The following LGR6 variants were observed in gnomAD, a reference collection of about 807,000 sequenced individuals.
LGR6 encodes the protein leucine rich repeat containing G protein-coupled receptor 6.
In LGR6, 45 loss-of-function variants were observed where a neutral mutation model predicts 69.4. The observed-to-expected ratio is 0.65, with a 90% CI of 0.51 to 0.83. LGR6 has a LOEUF of 0.83. Among genes scored for constraint, LGR6 ranks in the 40% least tolerant of loss-of-function variants. The pLI, the probability that LGR6 is intolerant of heterozygous loss-of-function variation, is 0.00. For synonymous variants in LGR6, 538 were observed against 555.0 expected, an observed-to-expected ratio of 0.97 and a Z score of 0.43; for missense variants, 1,108 against 1,246.7, an observed-to-expected ratio of 0.89 and a Z score of 1.68.
At chr1:202,229,473 T>C (rs1022988235) in intron 3 of LGR6, among the ~76,000 whole-genome samples, 1 of 152,198 alleles carries the variant, frequency 6.6e-6, no homozygotes, top group South Asian at 2.1e-4. Flanking sequence ...AGTGGCAGGC[T>C]CAGACCTGCA....
At chr1:202,236,036 G>A in intron 4 of LGR6, 43 bp downstream of exon 4, 1 of 1,561,184 alleles carries the variant, frequency 6.4e-7, no homozygotes. Context: ...CAGCTTCCTG[G>A]GGCCTGAGTC....
At position 202,228,643 on chromosome 1, in the gene LGR6, A is replaced by G. The variant is rs1187014329; in HGVS notation, c.356+636A>G. 3.9e-5 allele frequency among the ~76,000 whole-genome samples: 6 copies of G among 152,082 alleles called. No individual in the cohort carries two copies. In the South Asian group the frequency reaches 1.0e-3, roughly 26 times the overall value. Reference sequence around the variant, plus strand: ...TCAGAGAAAGGAAGGCTGAGACACAATCTCCTCAACTCATGACTCACCTTG... The same window carrying G: ...TCAGAGAAAGGAAGGCTGAGACACAGTCTCCTCAACTCATGACTCACCTTG... On this transcript the variant is annotated intron_variant, in intron 3 of 17. Coordinates refer to ENST00000367278, the MANE Select transcript of LGR6 (RefSeq NM_001017403.2).
chr1:202,316,319 T>C (rs1406707953), intron 17 of LGR6, among the ~76,000 whole-genome samples: 1 of 152,080 alleles, frequency 6.6e-6, no homozygotes, highest in East Asian at 1.9e-4. Flanking sequence ...TGCAAATAGA[T>C]CACAGGGTGA....
rs776367294 is a variant in LGR6, at chr1:202,214,122, G to A, written c.213-11301G>A. On this transcript the variant is annotated intron_variant, in intron 1 of 17. Coordinates refer to ENST00000367278, the MANE Select transcript of LGR6 (RefSeq NM_001017403.2). ...CGCGGAGGGTGGCGGGCACTGGACC[G>A]CAGAACTGGCACTCGAGGTCCCAGG... The A allele has an allele frequency of 4.8e-6, 7 of 1,460,876 alleles. No individual in the cohort carries two copies. The African/African-American group carries it at 7.5e-5, about 16-fold the overall frequency. 90.5% of individuals were successfully genotyped at this position (1,460,876 alleles called of 1,614,324 possible).
rs781742946 is a variant in LGR6, at chr1:202,319,331, A to G, written c.*124A>G. On this transcript the variant is annotated 3_prime_UTR_variant, in exon 18 of 18. Coordinates refer to ENST00000367278, the MANE Select transcript of LGR6 (RefSeq NM_001017403.2). ...AGTGTGATCTATAGCAGGATGGCCC[A>G]GTCCCTGGCTCCACTGATCACCTCT... 226 of 1,122,666 alleles carry G rather than the reference A, an allele frequency of 2.0e-4. No homozygotes were observed. Among genetic ancestry groups the G allele is most frequent in the Non-Finnish European group, 2.7e-4 (216 of 812,268 alleles). The allele number at this position is 1,122,666 out of a possible 1,614,324, so 69.5% of individuals were successfully genotyped here.
chr1:202,319,054 T>A lies in LGR6; in HGVS notation c.2751T>A (p.Cys917Ter). 6.2e-7 allele frequency: 1 copy of A among 1,614,136 alleles called. No homozygotes were observed. Among genetic ancestry groups the A allele is most frequent in the Non-Finnish European group, 8.5e-7 (1 of 1,180,006 alleles). The part of the protein sequence containing the change: ...PGAPRLEGSH[C>*]VEPEGNHFGN... ...CCCCCAGGCTGGAGGGCAGCCATTGTGTAGAGCCAGAGGGGAACCACTTTG... is the reference window on the plus strand; with the variant it reads ...CCCCCAGGCTGGAGGGCAGCCATTGAGTAGAGCCAGAGGGGAACCACTTTG... Residue 917 changes from cysteine to a stop codon, truncating the protein, a stop_gained, in exon 18 of 18, where the codon TGT becomes TGA. Coordinates refer to ENST00000367278, the MANE Select transcript of LGR6 (RefSeq NM_001017403.2). LOFTEE classifies it low-confidence loss of function (END_TRUNC).
intron 4 of LGR6, among the ~76,000 whole-genome samples, chr1:202,259,239 T>G (rs12118481): frequency 0.11 from 16,702 of 152,214 alleles, 1,045 homozygotes; most frequent in Middle Eastern, 0.2. Flanking sequence ...CTGTGCTCTC[T>G]TTGATCACTT....
intron 9 of LGR6, among the ~76,000 whole-genome samples, 188 bp from the exon 10 acceptor site, chr1:202,303,091 G>A (rs1334091963): frequency 6.6e-6 from 1 of 152,162 alleles, no homozygotes. Context: ...CAAATGGCTG[G>A]TTGGACCCTG....
intron 12 of LGR6, 45 bp from the exon 13 acceptor site, chr1:202,306,823 A>G (rs994362265): frequency 6.4e-7 from 1 of 1,570,820 alleles, no homozygotes; most frequent in Non-Finnish European, 8.8e-7. Flanking sequence ...GAGCGGAGCC[A>G]GGGTCTGAGC....
At chr1:202,309,230 G>T in intron 15 of LGR6, 54 bp downstream of exon 15, 3 of 1,600,652 alleles carry the variant, frequency 1.9e-6, no homozygotes, top group Non-Finnish European at 2.6e-6. Flanking sequence ...GACCCTGGAG[G>T]GACAGAGAGA....
intron 6 of LGR6, among the ~76,000 whole-genome samples, chr1:202,281,898 G>A (rs2148185843): frequency 6.6e-6 from 1 of 152,306 alleles, no homozygotes; most frequent in South Asian, 2.1e-4. Flanking sequence ...GATCTGGGAA[G>A]CAATGTACTG....
At chr1:202,273,499 C>G (rs1277948217) in intron 4 of LGR6, among the ~76,000 whole-genome samples, 1 of 151,554 alleles carries the variant, frequency 6.6e-6, no homozygotes, top group Admixed American at 6.6e-5. Flanking sequence ...CTCTTGTCGC[C>G]CAGGCTGGAG....
intron 1 of LGR6, among the ~76,000 whole-genome samples, chr1:202,203,407 C>T (rs947595738): frequency 1.3e-5 from 2 of 152,308 alleles, no homozygotes; most frequent in African/African-American, 4.8e-5. Flanking sequence ...ATGTAAGCCC[C>T]GGTTGCCATC....
intron 4 of LGR6, among the ~76,000 whole-genome samples, chr1:202,240,896 A>G (rs1245902879): frequency 6.6e-6 from 1 of 152,200 alleles, no homozygotes; most frequent in African/African-American, 2.4e-5. Context: ...AGGCCAGGCT[A>G]AAGCTCCCCT....
At chr1:202,244,794 T>C (rs534697947) in intron 4 of LGR6, among the ~76,000 whole-genome samples, 1 of 152,206 alleles carries the variant, frequency 6.6e-6, no homozygotes, top group African/African-American at 2.4e-5. Context: ...GGAGGGAAAG[T>C]GGGCCTGGAC....
rs1658530645 is a variant in LGR6, at chr1:202,193,938, C to CG, written c.-51dup. 8.6e-7 allele frequency: 1 copy of CG among 1,169,190 alleles called. No individual in the cohort carries two copies. Among genetic ancestry groups the CG allele is most frequent in the Non-Finnish European group, 1.1e-6 (1 of 917,584 alleles). 72.4% of individuals were successfully genotyped at this position (1,169,190 alleles called of 1,614,324 possible). A position where few individuals can be genotyped will look rare whatever the true frequency, so the allele number is the denominator to read the frequency against. On this transcript the variant is annotated 5_prime_UTR_variant, in exon 1 of 18. Coordinates refer to ENST00000367278, the MANE Select transcript of LGR6 (RefSeq NM_001017403.2). ...CGGGAGGAAGCAGCTGCGGCCATCG[C>CG]GCCGTGCGTCCGCGCCCGGCCGCCA...
At chr1:202,197,373 T>C in intron 1 of LGR6, 1 of 532,362 alleles carries the variant, frequency 1.9e-6, no homozygotes, top group Non-Finnish European at 3.9e-6. Flanking sequence ...TGATCAAGGT[T>C]GGGAAGACGG....
chr1:202,247,770 C>T lies in LGR6; in HGVS notation c.428+11777C>T, dbSNP rs145613836. 3.4e-4 allele frequency among the ~76,000 whole-genome samples: 52 copies of T among 152,292 alleles called. 1 individual carries two copies. The East Asian group carries it at 7.9e-3, about 23-fold the overall frequency. On this transcript the variant is annotated intron_variant, in intron 4 of 17. Coordinates refer to ENST00000367278, the MANE Select transcript of LGR6 (RefSeq NM_001017403.2). Reference sequence around the variant, plus strand: ...CCTGGGGGCAGGAGAAAGTGTATGACGATCTCACTCTGATCCCATCATGAC... The same window carrying T: ...CCTGGGGGCAGGAGAAAGTGTATGATGATCTCACTCTGATCCCATCATGAC...
intron 4 of LGR6, among the ~76,000 whole-genome samples, chr1:202,243,136 A>T (rs1662352405): frequency 6.6e-6 from 1 of 152,166 alleles, no homozygotes; most frequent in Non-Finnish European, 1.5e-5. Context: ...GAGAGGGCTG[A>T]ATGAGATGAC....
Sources: gnomAD v4.1 joint callset for allele counts (sites outside exome capture counted in the v4.1 genomes callset) on GRCh38, gnomAD v4.1.1 for gene constraint, MANE v1.5 for transcripts, NCBI Gene and HGNC (gene_info 2026-07-23, HGNC 2026-07-21) for gene names.